The following CDC42SE2 variants were observed in gnomAD, a reference collection of about 807,000 sequenced individuals.
CDC42SE2 encodes the protein CDC42 small effector 2.
In CDC42SE2, 3 loss-of-function variants were observed where a neutral mutation model predicts 11.5. The ratio of observed to expected loss-of-function variants is 0.26; its 90% confidence interval spans 0.12 to 0.67. The LOEUF is 0.67. Ranked by LOEUF, CDC42SE2 falls within the 30% of genes least tolerant of loss-of-function variation. The probability of loss-of-function intolerance (pLI) is 0.80; values close to 1 mark genes in which losing one functional copy is unlikely to be tolerated. For synonymous variants in CDC42SE2, 33 were observed against 34.8 expected (o/e 0.95, Z 0.18); for missense variants, 82 against 106.8 (o/e 0.77, Z 1.02).
At chr5:131,312,288 G>T (rs1757937725) in intron 1 of CDC42SE2, among the ~76,000 whole-genome samples, 1 of 152,100 alleles carries the variant, frequency 6.6e-6, no homozygotes, top group Non-Finnish European at 1.5e-5. Flanking sequence ...ACTTGAGGAG[G>T]CAGTCTGCCC....
upstream of CDC42SE2, among the ~76,000 whole-genome samples, chr5:131,260,970 T>C (rs1756720237): frequency 6.6e-6 from 1 of 152,196 alleles, no homozygotes; most frequent in South Asian, 2.1e-4. Context: ...ATAGTATACT[T>C]TTAGGGAAAA....
At chr5:131,275,208 C>T (rs543679956) in intron 1 of CDC42SE2, among the ~76,000 whole-genome samples, 12 of 151,396 alleles carry the variant, frequency 7.9e-5, no homozygotes, top group Admixed American at 2.0e-4. Context: ...TTTGGGCTTG[C>T]GCTATTTTTT....
chr5:131,292,534 C>T (rs1470703413), intron 1 of CDC42SE2, among the ~76,000 whole-genome samples: 10 of 143,266 alleles, frequency 7.0e-5, no homozygotes, highest in African/African-American at 1.0e-4. Flanking sequence ...CACTCCAGCC[C>T]GGGTGACAGA....
At chr5:131,308,104 C>T (rs550413594) in intron 1 of CDC42SE2, among the ~76,000 whole-genome samples, 3 of 152,120 alleles carry the variant, frequency 2.0e-5, no homozygotes, top group African/African-American at 7.2e-5. Context: ...TTTAATCCAT[C>T]TTGAATTGAT....
intron 2 of CDC42SE2, among the ~76,000 whole-genome samples, chr5:131,348,089 C>A (rs1246756602): frequency 1.3e-5 from 2 of 152,150 alleles, no homozygotes; most frequent in African/African-American, 4.8e-5. Flanking sequence ...TGGCACAAGA[C>A]AGGGATGTCC....
chr5:131,373,737 G>A (rs184607072), intron 3 of CDC42SE2, among the ~76,000 whole-genome samples: 2 of 152,204 alleles, frequency 1.3e-5, no homozygotes, highest in East Asian at 3.9e-4. Flanking sequence ...CAGAAAACAT[G>A]AATAGGTCTC....
intron 1 of CDC42SE2, among the ~76,000 whole-genome samples, chr5:131,297,770 T>TA (rs1402760204): frequency 6.6e-6 from 1 of 151,722 alleles, no homozygotes; most frequent in East Asian, 1.9e-4. Context: ...ATAAAAATTA[T>TA]AAAAGTTACC....
chr5:131,359,548 G>C lies in CDC42SE2; in HGVS notation c.54+1G>C. On this transcript the variant is annotated splice_donor_variant, in intron 3 of 4. Coordinates refer to ENST00000505065, the MANE Select transcript of CDC42SE2 (RefSeq NM_001375635.1). LOFTEE classifies it high-confidence loss of function. ...CTGTATTGCAGAACAGCCTCAGCCT[G>C]TAAGTATGAAGTATGTGGACACATC... 1.2e-6 allele frequency: 2 copies of C among 1,609,972 alleles called. No individual in the cohort carries two copies. Among genetic ancestry groups the C allele is most frequent in the Non-Finnish European group, 1.7e-6 (2 of 1,176,260 alleles).
At chr5:131,383,650 A>C (rs779045497) in intron 3 of CDC42SE2, among the ~76,000 whole-genome samples, 7 of 152,240 alleles carry the variant, frequency 4.6e-5, no homozygotes, top group Non-Finnish European at 7.3e-5. Flanking sequence ...GAAAAAATCT[A>C]GAGCTGGGGT....
At chr5:131,359,661 C>T in intron 3 of CDC42SE2, 114 bp downstream of exon 3, 2 of 789,974 alleles carry the variant, frequency 2.5e-6, no homozygotes, top group Non-Finnish European at 4.6e-6. Context: ...TAGAGAATAC[C>T]ACAGAGAATA....
chr5:131,275,490 C>T (rs10035521), intron 1 of CDC42SE2, among the ~76,000 whole-genome samples: 18,242 of 151,828 alleles, frequency 0.12, 2,753 homozygotes, highest in African/African-American at 0.36. Flanking sequence ...GACCAGGTTT[C>T]ACCATATTGG....
chr5:131,373,742 G>A (rs1750074697), intron 3 of CDC42SE2, among the ~76,000 whole-genome samples: 1 of 151,986 alleles, frequency 6.6e-6, no homozygotes, highest in African/African-American at 2.4e-5. Flanking sequence ...AACATGAATA[G>A]GTCTCAGATG....
At chr5:131,281,067 G>A (rs1316587495) in intron 1 of CDC42SE2, among the ~76,000 whole-genome samples, 1 of 152,164 alleles carries the variant, frequency 6.6e-6, no homozygotes, top group East Asian at 1.9e-4. Context: ...TCGTTAAATA[G>A]CAATTGTAAA....
intron 1 of CDC42SE2, among the ~76,000 whole-genome samples, chr5:131,248,234 G>C (rs1335683959): frequency 6.6e-6 from 1 of 152,044 alleles, no homozygotes; most frequent in African/African-American, 2.4e-5. Flanking sequence ...CTGCCTCCCA[G>C]GTTCAAGCGA....
intron 2 of CDC42SE2, among the ~76,000 whole-genome samples, chr5:131,348,893 G>A (rs1758925717): frequency 1.3e-5 from 2 of 152,190 alleles, no homozygotes; most frequent in African/African-American, 4.8e-5. Context: ...ATGGGGAAAG[G>A]ATTCCCTGTT....
chr5:131,243,141 T>C (rs1756553651), upstream of CDC42SE2, among the ~76,000 whole-genome samples: 1 of 152,180 alleles, frequency 6.6e-6, no homozygotes, highest in Non-Finnish European at 1.5e-5. Context: ...ACTGCAGTCC[T>C]AATGGAACAA....
the CDC42SE2 span, among the ~76,000 whole-genome samples, chr5:131,223,300 G>A: frequency 6.6e-6 from 1 of 152,222 alleles, no homozygotes; most frequent in Non-Finnish European, 1.5e-5. Flanking sequence ...TACCTGGAGC[G>A]TGTTTTCAGT....
the CDC42SE2 span, among the ~76,000 whole-genome samples, chr5:131,228,027 C>T: frequency 6.6e-6 from 1 of 152,082 alleles, no homozygotes; most frequent in Non-Finnish European, 1.5e-5. Context: ...GAGACCTTGG[C>T]GAAACTCCAT....
chr5:131,392,919 C>T lies in CDC42SE2; in HGVS notation c.*1828C>T, dbSNP rs1179527472. 1.3e-5 allele frequency: 2 copies of T among 152,316 alleles called. No individual in the cohort carries two copies. Among genetic ancestry groups the T allele is most frequent in the Non-Finnish European group, 2.9e-5 (2 of 68,044 alleles). 9.4% of individuals were successfully genotyped at this position (152,316 alleles called of 1,614,324 possible). ...CAGTTGCCAAGAGCAACATACATAC[C>T]GACCTGGCTGAATTATTGCCAGTGA... On this transcript the variant is annotated 3_prime_UTR_variant, in exon 5 of 5. Transcript: ENST00000505065.
Sources: allele counts gnomAD v4.1 joint callset (sites outside exome capture counted in the v4.1 genomes callset), GRCh38; gene constraint gnomAD v4.1.1; transcripts MANE v1.5; gene names NCBI Gene and HGNC (gene_info 2026-07-23, HGNC 2026-07-21).